PLBD1: variants seen among roughly 807,000 people sequenced by gnomAD.
The protein encoded by PLBD1 is phospholipase B domain containing 1, also known as lysosomal leucine aminopeptidase.
In PLBD1, 60 loss-of-function variants were observed where a neutral mutation model predicts 63.0. That is an observed-to-expected ratio of 0.95 (90% CI 0.77 to 1.18). PLBD1 has a LOEUF of 1.18. PLBD1 is among the 50% of genes most tolerant of loss of function. PLBD1 has a pLI of 0.00. For synonymous variants in PLBD1, 262 were observed against 248.0 expected (o/e 1.06, Z -0.53); for missense variants, 598 against 677.9 (o/e 0.88, Z 1.31).
At chr12:14,562,726 C>G (rs1945751072) in intron 1 of PLBD1, among the ~76,000 whole-genome samples, 1 of 152,004 alleles carries the variant, frequency 6.6e-6, no homozygotes, top group Non-Finnish European at 1.5e-5. Flanking sequence ...TTTTGAAAGG[C>G]AAAACCTAAA....
Position 14,503,878 on chromosome 12 carries a change from A to C in PLBD1, c.1556T>G (p.Val519Gly). Residue 519 changes from valine (V) to glycine (G), a missense_variant, in exon 11 of 11, where the codon GTT (valine) becomes GGT (glycine). Physicochemically the swap from Val to Gly is moderately radical, Grantham distance 109 (BLOSUM62 -3). Coordinates refer to ENST00000240617, the MANE Select transcript of PLBD1 (RefSeq NM_024829.6). ...SGPTVQGGLP[V>G]FRWDRFNKTL... ...TTTGTTGAAACGGTCCCAGCGAAAAACAGGGAGGCCACCTTGTACTGTGGG... is the reference window on the plus strand; with the variant it reads ...TTTGTTGAAACGGTCCCAGCGAAAACCAGGGAGGCCACCTTGTACTGTGGG... 6.2e-7 allele frequency: 1 copy of C among 1,614,010 alleles called. No individual in the cohort carries two copies. The highest frequency in any genetic ancestry group is 1.1e-5 in the South Asian group (1 of 91,066).
intron 4 of PLBD1, among the ~76,000 whole-genome samples, chr12:14,539,093 T>C (rs1945544355): frequency 6.6e-6 from 1 of 152,148 alleles, no homozygotes; most frequent in South Asian, 2.1e-4. Context: ...ATTTCCAATC[T>C]CATAGGTGCA....
At chr12:14,539,712 G>C (rs1335973874) in intron 4 of PLBD1, among the ~76,000 whole-genome samples, 23 of 151,340 alleles carry the variant, frequency 1.5e-4, no homozygotes, top group Admixed American at 1.5e-3. Context: ...CCTGAACCCA[G>C]GAGGCAGAGG....
At chr12:14,558,652 C>T (rs1945725623) in intron 1 of PLBD1, among the ~76,000 whole-genome samples, 1 of 152,124 alleles carries the variant, frequency 6.6e-6, no homozygotes. Context: ...TCTTCTTCTC[C>T]AAAACCTTGG....
chr12:14,508,851 A>G (rs1248197180), intron 8 of PLBD1, among the ~76,000 whole-genome samples: 1 of 152,148 alleles, frequency 6.6e-6, no homozygotes, highest in Non-Finnish European at 1.5e-5. Flanking sequence ...CCTTTTTTAA[A>G]CAGAAGAAAC....
chr12:14,539,135 T>C (rs906017719), intron 4 of PLBD1, among the ~76,000 whole-genome samples: 2 of 152,220 alleles, frequency 1.3e-5, no homozygotes, highest in African/African-American at 4.8e-5. Flanking sequence ...GATATTTGCA[T>C]TTCTTTTGTT....
Position 14,558,972 on chromosome 12 carries a change from C to G in PLBD1, c.116-5560G>C, listed in dbSNP as rs1328539474. 3.3e-5 allele frequency among the ~76,000 whole-genome samples: 5 copies of G among 152,202 alleles called. No individual in the cohort carries two copies. In the East Asian group the frequency reaches 7.7e-4, roughly 23 times the overall value. ...AATAAAGCCAAAATCAGAGTTTTCACTCCACTCCAACCGAGGTCCTCCATT... is the reference window on the plus strand; with the variant it reads ...AATAAAGCCAAAATCAGAGTTTTCAGTCCACTCCAACCGAGGTCCTCCATT... On this transcript the variant is annotated intron_variant, in intron 1 of 10. Transcript: ENST00000240617.
intron 6 of PLBD1, among the ~76,000 whole-genome samples, chr12:14,520,160 A>G (rs1945364674): frequency 6.6e-6 from 1 of 152,226 alleles, no homozygotes; most frequent in African/African-American, 2.4e-5. Context: ...TTACACTGCC[A>G]GGGTTCCCAA....
chr12:14,535,780 G>T lies in PLBD1; in HGVS notation c.723C>A (p.Ile241=). The change falls in exon 6 of 11, where the codon ATC becomes ATA. Residue 241 remains isoleucine (I), a synonymous_variant. Transcript: ENST00000240617. ...TGTACCAGCTTGAGTGAGCAAAAAGGATGTTCTCAAATCCAGGAAGAACCT... is the reference window on the plus strand; with the variant it reads ...TGTACCAGCTTGAGTGAGCAAAAAGTATGTTCTCAAATCCAGGAAGAACCT... ...LIKVLPGFEN[I]LFAHSSWYTY... 1.9e-6 allele frequency: 3 copies of T among 1,613,892 alleles called. No individual in the cohort carries two copies. The highest frequency in any genetic ancestry group is 2.5e-6 in the Non-Finnish European group (3 of 1,179,952).
chr12:14,522,115 A>G (rs1799784505), intron 6 of PLBD1, among the ~76,000 whole-genome samples: 1 of 152,196 alleles, frequency 6.6e-6, no homozygotes, highest in Non-Finnish European at 1.5e-5. Flanking sequence ...AGACACCATT[A>G]AGTGAACACA....
At chr12:14,550,471 T>C (rs1347336303) in intron 2 of PLBD1, among the ~76,000 whole-genome samples, 8 of 152,184 alleles carry the variant, frequency 5.3e-5, no homozygotes. Flanking sequence ...TGAAAGGACA[T>C]GGCAAAAAGG....
intron 3 of PLBD1, among the ~76,000 whole-genome samples, chr12:14,541,243 A>G (rs2136924486): frequency 6.6e-6 from 1 of 152,336 alleles, no homozygotes; most frequent in African/African-American, 2.4e-5. Flanking sequence ...TCACAAAGTC[A>G]ATAAAGGTAG....
chr12:14,562,102 G>A (rs986818735), intron 1 of PLBD1, among the ~76,000 whole-genome samples: 8 of 152,124 alleles, frequency 5.3e-5, no homozygotes, highest in South Asian at 4.1e-4. Context: ...TGTCTCTTTC[G>A]TTGAAGTGCT....
At chr12:14,537,336 C>A (rs1358543081) in intron 4 of PLBD1, among the ~76,000 whole-genome samples, 1 of 152,074 alleles carries the variant, frequency 6.6e-6, no homozygotes, top group Non-Finnish European at 1.5e-5. Flanking sequence ...CTGGCCGATA[C>A]TTTCTTTTCA....
At chr12:14,567,509 C>T in intron 1 of PLBD1, 73 bp downstream of exon 1, 1 of 1,398,126 alleles carries the variant, frequency 7.2e-7, no homozygotes, top group Non-Finnish European at 9.2e-7. Flanking sequence ...CTCGGCCGGA[C>T]GCGGGGCACG....
rs756747263 is a variant in PLBD1 at position 14,511,724 on chromosome 12, C to T, written c.845-13G>A. On this transcript the variant is annotated splice_polypyrimidine_tract_variant and intron_variant, in intron 6 of 10. Coordinates refer to ENST00000240617, the MANE Select transcript of PLBD1 (RefSeq NM_024829.6). ...GACTCCAAAAACCCTACAGGAAAGA[C>T]AAATATACACATCAGCATATGTATA... The T allele has an allele frequency of 6.2e-7, 1 of 1,604,406 alleles. No individual in the cohort carries two copies. Among genetic ancestry groups the T allele is most frequent in the East Asian group, 2.2e-5 (1 of 44,822 alleles).
Position 14,511,954 on chromosome 12 carries a change from T to G in PLBD1, c.845-243A>C, listed in dbSNP as rs1945301562. On this transcript the variant is annotated intron_variant, in intron 6 of 10. Transcript: ENST00000240617. ...TCCATTGAAAATTTATTTTGTGATT[T>G]GAAATAACAAAAATATGTTAAATCC... 3.9e-5 allele frequency among the ~76,000 whole-genome samples: 6 copies of G among 152,178 alleles called. No individual in the cohort carries two copies. The South Asian group carries it at 1.2e-3, about 31-fold the overall frequency.
chr12:14,561,798 T>C (rs1365662846), intron 1 of PLBD1, among the ~76,000 whole-genome samples: 1 of 152,166 alleles, frequency 6.6e-6, no homozygotes, highest in Non-Finnish European at 1.5e-5. Context: ...TAAGGTGATC[T>C]GCCTGCCTTG....
In PLBD1 at chr12:14,511,377, C is replaced by G; in HGVS notation, c.1069G>C (p.Val357Leu). 1.2e-6 allele frequency: 2 copies of G among 1,613,664 alleles called. No homozygotes were observed. The highest frequency in any genetic ancestry group is 1.7e-6 in the Non-Finnish European group (2 of 1,179,774). The stretch of plus-strand genomic sequence containing the variant: ...AGCTTTACTTTCTTCAGGTCCAGAA[C>G]CATGTATTGATTGTTATAGGTGCCT... ...NSGTYNNQYM[V>L]LDLKKVKLNH... The change falls in exon 8 of 11, where the codon GTT becomes CTT. Residue 357 changes from valine to leucine, a missense_variant. Transcript: ENST00000240617.
Sources: gnomAD v4.1 joint callset for allele counts (sites outside exome capture counted in the v4.1 genomes callset) on GRCh38, gnomAD v4.1.1 for gene constraint, MANE v1.5 for transcripts, NCBI Gene and HGNC (gene_info 2026-07-23, HGNC 2026-07-21) for gene names.